The following GOLGA8H variants were observed in gnomAD, a reference collection of about 807,000 sequenced individuals.
GOLGA8H encodes the protein golgin A8 family member H, also known as golgin subfamily A member 8H.
GOLGA8H carries 47 observed loss-of-function variants against 82.7 expected under a neutral mutation model. The observed-to-expected ratio is 0.57, with a 90% CI of 0.45 to 0.73. The LOEUF (loss-of-function observed/expected upper bound fraction) is 0.73. Ranked by LOEUF, GOLGA8H falls within the 30% of genes least tolerant of loss-of-function variation. The pLI, the probability that GOLGA8H is intolerant of heterozygous loss-of-function variation, is 0.00. For synonymous variants in GOLGA8H, 108 were observed against 241.6 expected (o/e 0.45, Z 5.13); for missense variants, 372 against 661.0 (o/e 0.56, Z 4.79).
chr15:30,615,773 A>G lies in GOLGA8H; in HGVS notation c.*1212A>G, dbSNP rs2060097700. Among the ~76,000 whole-genome samples the G allele has an allele frequency of 7.7e-6, 1 of 129,066 alleles. No individual in the cohort carries two copies. Among genetic ancestry groups the G allele is most frequent in the Non-Finnish European group, 1.6e-5 (1 of 60,958 alleles). 84.7% of individuals were successfully genotyped at this position (129,066 alleles called of 152,430 possible). ...CTTCAACCACCTTGGTTACTCTGAC[A>G]TAGGAATTTACTTCTTTTTCCTTGA... On this transcript the variant is annotated 3_prime_UTR_variant, in exon 19 of 19. Transcript: ENST00000566740.
chr15:30,606,510 C>G (rs983994974), intron 2 of GOLGA8H, among the ~76,000 whole-genome samples: 4 of 148,018 alleles, frequency 2.7e-5, no homozygotes, highest in African/African-American at 1.0e-4. Flanking sequence ...GTGAAATTTT[C>G]ATGAGATTTG....
chr15:30,608,624 C>T (rs765441885), intron 7 of GOLGA8H, 23 bp from the exon 8 acceptor site: 1 of 1,601,590 alleles, frequency 6.2e-7, no homozygotes, highest in African/African-American at 1.4e-5. Flanking sequence ...CCTTTGGGCC[C>T]CATCTCAACT....
chr15:30,606,155 C>A (rs1350340772), intron 2 of GOLGA8H, among the ~76,000 whole-genome samples, 193 bp downstream of exon 2: 1 of 151,582 alleles, frequency 6.6e-6, no homozygotes, highest in Non-Finnish European at 1.5e-5. Flanking sequence ...GCGATCGAGA[C>A]CATCCTGGTT....
In GOLGA8H at chr15:30,612,667, G is replaced by C. The variant is rs752699807; in HGVS notation, c.1271G>C (p.Gly424Ala). ...CAGCTGAGCCTCATGGCTCTCCCTG[G>C]GGAAGGTACGGGAGACCGCTCAGAG... ...TAQLSLMALPGEGHGGEHLDS... is the reference protein window; with the variant it reads ...TAQLSLMALPAEGHGGEHLDS... The change falls in exon 14 of 19, where the codon GGG becomes GCG. Residue 424 changes from glycine to alanine, a missense_variant. By Grantham distance (60) the Gly-to-Ala change is moderately conservative. Transcript: ENST00000566740. The C allele has an allele frequency of 8.8e-6, 14 of 1,597,314 alleles. No individual in the cohort carries two copies. The South Asian group carries it at 1.4e-4, about 16-fold the overall frequency.
rs1407757526 is a variant in GOLGA8H, at chr15:30,604,240, C to T, written c.48+67C>T. The T allele has an allele frequency of 4.4e-5, 57 of 1,283,986 alleles. 3 individuals carry two copies. Among genetic ancestry groups the T allele is most frequent in the Non-Finnish European group, 5.6e-5 (52 of 936,478 alleles). 79.5% of individuals were successfully genotyped at this position (1,283,986 alleles called of 1,614,324 possible). ...ATCCCCTCTGATGACAAGACCCCTG[C>T]CAGAGTCTATACGACTCCTGAGGCA... On this transcript the variant is annotated intron_variant, in intron 1 of 18. Coordinates refer to ENST00000566740, the MANE Select transcript of GOLGA8H (RefSeq NM_001282490.2).
chr15:30,610,184 A>G (rs962241721), intron 10 of GOLGA8H, 78 bp downstream of exon 10: 11 of 1,589,806 alleles, frequency 6.9e-6, no homozygotes, highest in African/African-American at 1.4e-5. Context: ...TGGGAATAGT[A>G]GAGCCAGAGG....
Position 30,614,547 on chromosome 15 carries a change from A to T in GOLGA8H, c.1885A>T (p.Arg629Ter), listed in dbSNP as rs1336772855. 1 of 1,601,086 alleles carries T rather than the reference A, an allele frequency of 6.2e-7. No individual in the cohort carries two copies. Among genetic ancestry groups the T allele is most frequent in the Non-Finnish European group, 8.5e-7 (1 of 1,179,468 alleles). ...ATTGTTGTGCTGGGCTTGGCTGCCA[A>T]GAAGAAGGAGATAAACATCACCATC... ...VPLLCWAWLP[R>*]RRR Residue 629 changes from arginine to a stop codon, truncating the protein, a stop_gained, in exon 19 of 19, where the codon AGA becomes TGA. Transcript: ENST00000566740. LOFTEE classifies it high-confidence loss of function.
rs1475035953 is a variant in GOLGA8H, at chr15:30,615,080, A to G, written c.*519A>G. ...GTTTATTACTTTGTAATATGCCACT[A>G]TGAGTACTGACATTTAGAGTTGTTT... On this transcript the variant is annotated 3_prime_UTR_variant, in exon 19 of 19. Transcript: ENST00000566740. Among the ~76,000 whole-genome samples the G allele has an allele frequency of 6.6e-6, 1 of 151,604 alleles. No individual in the cohort carries two copies. The highest frequency in any genetic ancestry group is 1.5e-5 in the Non-Finnish European group (1 of 67,882).
rs1019491425 is a variant in GOLGA8H at position 30,610,166 on chromosome 15, C to G, written c.786+60C>G. On this transcript the variant is annotated intron_variant, in intron 10 of 18. Transcript: ENST00000566740. ...TAGGTCACTGGATCTTTCTGGGCAT[C>G]TGTAAAATGGGAATAGTAGAGCCAG... is the stretch of plus-strand genomic sequence containing the variant. 1.9e-6 allele frequency: 3 copies of G among 1,605,674 alleles called. No individual in the cohort carries two copies. In the South Asian group the frequency reaches 3.3e-5, roughly 18 times the overall value.
chr15:30,605,755 G>C lies in GOLGA8H; in HGVS notation c.49-88G>C, dbSNP rs1474412439. The C allele has an allele frequency of 4.5e-6, 7 of 1,550,598 alleles. No individual in the cohort carries two copies. The South Asian group carries it at 7.0e-5, about 15-fold the overall frequency. The stretch of plus-strand genomic sequence containing the variant: ...TTGGTGTCATTAAATCAGATGGTGT[G>C]TAAGTGTATTTTGTAAAAACTGTAA... On this transcript the variant is annotated intron_variant, in intron 1 of 18. Coordinates refer to ENST00000566740, the MANE Select transcript of GOLGA8H (RefSeq NM_001282490.2).
rs191483577 is a variant in GOLGA8H at position 30,608,615 on chromosome 15, C to G, written c.482-32C>G. The G allele has an allele frequency of 5.4e-4, 871 of 1,602,726 alleles. 32 individuals are homozygous for G. The East Asian group carries it at 6.7e-3, about 12-fold the overall frequency. On this transcript the variant is annotated intron_variant, in intron 7 of 18. Transcript: ENST00000566740. ...CTTTGACAGGTCTTCAGGGGGAGTC[C>G]TTTGGGCCCCATCTCAACTTTCTCA...
Position 30,609,904 on chromosome 15 carries a change from T to A in GOLGA8H, c.678+12T>A. The A allele has an allele frequency of 6.3e-7, 1 of 1,579,132 alleles. No homozygotes were observed. Among genetic ancestry groups the A allele is most frequent in the Non-Finnish European group, 8.7e-7 (1 of 1,152,450 alleles). ...TGCAGCTGACACAGGTGAGGTTTTCTGAGGGAGTTATGTGGAAGGAAGATG... is the reference window on the plus strand; with the variant it reads ...TGCAGCTGACACAGGTGAGGTTTTCAGAGGGAGTTATGTGGAAGGAAGATG... On this transcript the variant is annotated intron_variant, in intron 9 of 18. Coordinates refer to ENST00000566740, the MANE Select transcript of GOLGA8H (RefSeq NM_001282490.2).
intron 1 of GOLGA8H, 39 bp from the exon 2 acceptor site, chr15:30,605,804 G>C (rs1488264306): frequency 6.3e-7 from 1 of 1,590,348 alleles, no homozygotes; most frequent in Non-Finnish European, 8.5e-7. Context: ...TGCAGGGGCT[G>C]ACGGTTCTCA....
rs1231318425 is a variant in GOLGA8H, at chr15:30,604,131, A to C, written c.6A>C (p.Ala2=). The C allele has an allele frequency of 6.6e-7, 1 of 1,510,680 alleles. No homozygotes were observed. Among genetic ancestry groups the C allele is most frequent in the East Asian group, 2.4e-5 (1 of 40,828 alleles). The allele number at this position is 1,510,680 out of a possible 1,614,324, so 93.6% of individuals were successfully genotyped here. The change falls in exon 1 of 19, where the codon GCA becomes GCC. Residue 2 remains alanine (A), a synonymous_variant. Transcript: ENST00000566740. ...GCCTCCCTCCCCACCCTGCGATGGC[A>C]GAAGAAACTCAACACAACAAATTGG... M[A]EETQHNKLAA...
Position 30,608,564 on chromosome 15 carries a change from G to T in GOLGA8H, c.481+13G>T, listed in dbSNP as rs765651730. ...AGATACTTTGAAGGTGGGAATCTGG[G>T]CACCCTGTCATCCTTCAACCTGGCA... On this transcript the variant is annotated intron_variant, in intron 7 of 18. Transcript: ENST00000566740. 6.0e-5 allele frequency: 97 copies of T among 1,608,400 alleles called. 2 individuals are homozygous for T. The highest frequency in any genetic ancestry group is 3.0e-4 in the Admixed American group (18 of 59,960).
In GOLGA8H at chr15:30,616,096, G is replaced by A. The variant is rs4042298; in HGVS notation, c.*1535G>A. On this transcript the variant is annotated 3_prime_UTR_variant, in exon 19 of 19. Coordinates refer to ENST00000566740, the MANE Select transcript of GOLGA8H (RefSeq NM_001282490.2). ...TTTCTGTTCGGGACATATTTTGTGCGATATTTATGTGATTGTGCCTATGCA... is the reference window on the plus strand; with the variant it reads ...TTTCTGTTCGGGACATATTTTGTGCAATATTTATGTGATTGTGCCTATGCA... Among the ~76,000 whole-genome samples the A allele has an allele frequency of 9.2e-5, 14 of 152,042 alleles. No homozygotes were observed. The highest frequency in any genetic ancestry group is 7.8e-4 in the East Asian group (4 of 5,154).
chr15:30,607,711 T>C (rs1442813214), intron 4 of GOLGA8H: 3 of 587,396 alleles, frequency 5.1e-6, no homozygotes, highest in Non-Finnish European at 6.0e-6. Flanking sequence ...TAAATGTTTA[T>C]TGAATGAACC....
chr15:30,606,695 T>C (rs1332149187), intron 2 of GOLGA8H, among the ~76,000 whole-genome samples, 160 bp from the exon 3 acceptor site: 3 of 150,518 alleles, frequency 2.0e-5, no homozygotes, highest in Admixed American at 6.6e-5. Context: ...GGTGGGGAGA[T>C]AAGAACCATG....
In GOLGA8H at chr15:30,608,461, C is replaced by T; in HGVS notation, c.397-6C>T. The stretch of plus-strand genomic sequence containing the variant: ...TTTCAGCACTTGCTTGGCTTTTCTC[C>T]CAAAGGTTCAAATCCAGACATTGAA... On this transcript the variant is annotated splice_region_variant and splice_polypyrimidine_tract_variant and intron_variant, in intron 6 of 18. Transcript: ENST00000566740. 6.2e-7 allele frequency: 1 copy of T among 1,609,610 alleles called. No individual in the cohort carries two copies. The highest frequency in any genetic ancestry group is 8.5e-7 in the Non-Finnish European group (1 of 1,179,434).
Sources: gnomAD v4.1 joint callset for allele counts (sites outside exome capture counted in the v4.1 genomes callset) on GRCh38, gnomAD v4.1.1 for gene constraint, MANE v1.5 for transcripts, NCBI Gene and HGNC (gene_info 2026-07-23, HGNC 2026-07-21) for gene names.